Variants in ENOX1 observed in about 807,000 individuals in gnomAD.
The protein encoded by ENOX1 is ecto-NOX disulfide-thiol exchanger 1.
ENOX1 carries 42 observed loss-of-function variants against 82.5 expected under a neutral mutation model. The ratio of observed to expected loss-of-function variants is 0.51; its 90% CI spans 0.40 to 0.66. The LOEUF (loss-of-function observed/expected upper bound fraction) is 0.66, where lower values mean the gene tolerates loss of function less well. ENOX1 is among the 30% of genes least tolerant of loss of function. The pLI is 0.00. For missense variants in ENOX1, 608 were observed against 811.6 expected (o/e 0.75, Z 3.05); for synonymous variants, 271 against 282.2 (o/e 0.96, Z 0.40).
chr13:43,633,115 T>G (rs1282560943), intron 2 of ENOX1, among the ~76,000 whole-genome samples: 4 of 152,232 alleles, frequency 2.6e-5, no homozygotes, highest in Non-Finnish European at 5.9e-5. Flanking sequence ...TGAGCTAGAT[T>G]CCAATTTCAT....
intron 3 of ENOX1, among the ~76,000 whole-genome samples, chr13:43,430,436 T>C (rs141644993): frequency 6.6e-6 from 1 of 152,368 alleles, no homozygotes; most frequent in East Asian, 1.9e-4. Flanking sequence ...ACAAGGTCTT[T>C]CTATTTCCAT....
At chr13:43,627,445 C>CAT (rs2083014513) in intron 2 of ENOX1, among the ~76,000 whole-genome samples, 1 of 151,866 alleles carries the variant, frequency 6.6e-6, no homozygotes, top group African/African-American at 2.4e-5. Flanking sequence ...CTGGTTATTA[C>CAT]ATATATATGT....
chr13:43,498,497 A>G (rs2076869417), intron 2 of ENOX1, among the ~76,000 whole-genome samples: 1 of 152,136 alleles, frequency 6.6e-6, no homozygotes, highest in African/African-American at 2.4e-5. Context: ...AGAAACAATA[A>G]ATAATAATAC....
At chr13:43,758,009 C>A (rs1950748822) in intron 1 of ENOX1, among the ~76,000 whole-genome samples, 1 of 152,054 alleles carries the variant, frequency 6.6e-6, no homozygotes, top group South Asian at 2.1e-4. Flanking sequence ...CCAAGGCAAG[C>A]AGATTACTTC....
At chr13:43,756,125 T>G (rs1402324872) in intron 1 of ENOX1, among the ~76,000 whole-genome samples, 1 of 152,092 alleles carries the variant, frequency 6.6e-6, no homozygotes, top group Non-Finnish European at 1.5e-5. Flanking sequence ...AAAACTTAAG[T>G]GCCAGAGGTC....
In ENOX1 at chr13:43,368,274, A is replaced by G. The variant is rs2050982110; in HGVS notation, c.209-6822T>C. 1.3e-5 allele frequency among the ~76,000 whole-genome samples: 2 copies of G among 152,230 alleles called. 1 individual carries two copies. Among genetic ancestry groups the G allele is most frequent in the Admixed American group, 1.3e-4 (2 of 15,286 alleles). ...CCTCTGTCTCCTTTGACCAGGATGCAACGCTGGCAGAACTGAGGAATGCAG... is the reference window on the plus strand; with the variant it reads ...CCTCTGTCTCCTTTGACCAGGATGCGACGCTGGCAGAACTGAGGAATGCAG... On this transcript the variant is annotated intron_variant, in intron 5 of 16. Transcript: ENST00000690772.
At chr13:43,579,906 G>A (rs2080626426) in intron 2 of ENOX1, among the ~76,000 whole-genome samples, 1 of 152,172 alleles carries the variant, frequency 6.6e-6, no homozygotes, top group African/African-American at 2.4e-5. Flanking sequence ...ATTTCCCAAA[G>A]TGGTCCTACA....
intron 5 of ENOX1, among the ~76,000 whole-genome samples, chr13:43,366,611 G>GA (rs2050867238): frequency 6.6e-6 from 1 of 152,050 alleles, no homozygotes; most frequent in Non-Finnish European, 1.5e-5. Context: ...GGGCTTCAGT[G>GA]TCTTCACCAG....
chr13:43,248,079 G>A (rs1040675079), intron 14 of ENOX1, among the ~76,000 whole-genome samples: 10 of 149,740 alleles, frequency 6.7e-5, no homozygotes, highest in Non-Finnish European at 1.5e-4. Context: ...TAGAGACGGG[G>A]TTTCACCGTG....
chr13:43,508,178 C>G (rs985446768), intron 2 of ENOX1, among the ~76,000 whole-genome samples: 1 of 151,952 alleles, frequency 6.6e-6, no homozygotes, highest in African/African-American at 2.4e-5. Context: ...GACAAAGTCA[C>G]GAGAGCTCCA....
intron 2 of ENOX1, among the ~76,000 whole-genome samples, chr13:43,590,775 CAAA>C (rs35099290): frequency 7.7e-6 from 1 of 130,662 alleles, no homozygotes. Context: ...AACTTCATCT[CAAA>C]AAAAAAAAAA....
chr13:43,403,845 A>T (rs1240533046), intron 5 of ENOX1, among the ~76,000 whole-genome samples: 2 of 152,104 alleles, frequency 1.3e-5, no homozygotes, highest in African/African-American at 2.4e-5. Flanking sequence ...GTCTCAAAAA[A>T]AAAAATAAAT....
intron 2 of ENOX1, among the ~76,000 whole-genome samples, chr13:43,640,881 C>T (rs1008126819): frequency 1.8e-4 from 24 of 135,668 alleles, no homozygotes; most frequent in Middle Eastern, 3.7e-3. Context: ...CACACACACA[C>T]GCGCACACAC....
At chr13:43,595,021 C>G (rs148358011) in intron 2 of ENOX1, among the ~76,000 whole-genome samples, 94 of 151,296 alleles carry the variant, frequency 6.2e-4, no homozygotes, top group Non-Finnish European at 1.1e-3. Context: ...ATCAGAGAGG[C>G]GGGTGGAGAT....
intron 15 of ENOX1, among the ~76,000 whole-genome samples, chr13:43,225,266 G>A (rs950291336): frequency 8.5e-5 from 13 of 152,136 alleles, no homozygotes; most frequent in Middle Eastern, 3.2e-3. Context: ...TGCTAGAGGC[G>A]GGAGAGAGGG....
intron 10 of ENOX1, among the ~76,000 whole-genome samples, chr13:43,325,975 C>G (rs1387340478): frequency 1.3e-5 from 2 of 151,926 alleles, no homozygotes; most frequent in Non-Finnish European, 2.9e-5. Context: ...TAATGGCTAG[C>G]ATAGGGACTA....
At chr13:43,450,694 A>G (rs1394618406) in intron 3 of ENOX1, among the ~76,000 whole-genome samples, 1 of 152,112 alleles carries the variant, frequency 6.6e-6, no homozygotes, top group Non-Finnish European at 1.5e-5. Flanking sequence ...GGGCAGGTAA[A>G]TAGTGTTCTG....
At chr13:43,377,394 A>G (rs574709540) in intron 5 of ENOX1, among the ~76,000 whole-genome samples, 35 of 152,336 alleles carry the variant, frequency 2.3e-4, no homozygotes, top group African/African-American at 8.2e-4. Context: ...ACCATGAGCC[A>G]AATAAATCTC....
chr13:43,344,861 G>T lies in ENOX1; in HGVS notation c.824-111C>A, dbSNP rs2049287571. 4 of 1,059,002 alleles carry T rather than the reference G, an allele frequency of 3.8e-6. No individual in the cohort carries two copies. In the Admixed American group the frequency reaches 1.0e-4, roughly 27 times the overall value. 65.6% of individuals were successfully genotyped at this position (1,059,002 alleles called of 1,614,324 possible). Reference sequence around the variant, plus strand: ...GTCCAACCTAGTGGATATATTTTCAGAACTCAGCAAGTTAGCTTTCCTGAG... The same window carrying T: ...GTCCAACCTAGTGGATATATTTTCATAACTCAGCAAGTTAGCTTTCCTGAG... On this transcript the variant is annotated intron_variant, in intron 8 of 16. Coordinates refer to ENST00000690772, the MANE Select transcript of ENOX1 (RefSeq NM_001347969.2).
Sources: allele counts gnomAD v4.1 joint callset (sites outside exome capture counted in the v4.1 genomes callset), GRCh38; gene constraint gnomAD v4.1.1; transcripts MANE v1.5; gene names NCBI Gene and HGNC (gene_info 2026-07-23, HGNC 2026-07-21).